The following DYNC1I1 variants were observed in gnomAD, a reference collection of about 807,000 sequenced individuals.
DYNC1I1 encodes dynein cytoplasmic 1 intermediate chain 1, also known as cytoplasmic dynein 1 intermediate chain 1.
Under a neutral mutation model 86.6 loss-of-function variants are expected in DYNC1I1, and 43 were observed. The ratio of observed to expected loss-of-function variants is 0.50; its 90% CI spans 0.39 to 0.64. The LOEUF is 0.64. Ranked by LOEUF, DYNC1I1 falls within the 30% of genes least tolerant of loss-of-function variation. The pLI is 0.00. For synonymous variants in DYNC1I1, 262 were observed against 283.7 expected (o/e 0.92, Z 0.77); for missense variants, 604 against 788.8 (o/e 0.77, Z 2.81).
chr7:95,918,473 G>C (rs888268940), intron 6 of DYNC1I1, among the ~76,000 whole-genome samples: 2 of 152,168 alleles, frequency 1.3e-5, no homozygotes, highest in African/African-American at 4.8e-5. Context: ...TGGCAAAACA[G>C]CTTCTTGTTC....
rs74683393 is a variant in DYNC1I1, at chr7:96,047,071, G to C, written c.1509+7650G>C. Reference sequence around the variant, plus strand: ...AAGGTGCCAGTAGATTTGGTGTCTGGTGAGTGCTCACTGCCTCATAGATGG... The same window carrying C: ...AAGGTGCCAGTAGATTTGGTGTCTGCTGAGTGCTCACTGCCTCATAGATGG... On this transcript the variant is annotated intron_variant, in intron 14 of 16. Coordinates refer to ENST00000447467, the MANE Select transcript of DYNC1I1 (RefSeq NM_001135556.2). Among the ~76,000 whole-genome samples, 1,058 of 152,254 alleles carry C rather than the reference G, an allele frequency of 6.9e-3. 9 individuals carry two copies. The highest frequency in any genetic ancestry group is 0.023 in the African/African-American group (974 of 41,526).
intron 2 of DYNC1I1, among the ~76,000 whole-genome samples, chr7:95,808,828 C>T (rs1057201650): frequency 6.6e-5 from 10 of 152,228 alleles, no homozygotes; most frequent in African/African-American, 2.2e-4. Context: ...ATTACTAATA[C>T]TGCAAAATCA....
intron 14 of DYNC1I1, among the ~76,000 whole-genome samples, chr7:96,049,174 C>T (rs1484190204): frequency 6.8e-6 from 1 of 147,652 alleles, no homozygotes; most frequent in Non-Finnish European, 1.5e-5. Flanking sequence ...AGGAGAATGG[C>T]GTGAACCCAG....
chr7:96,055,548 A>G (rs1789550744), intron 14 of DYNC1I1, among the ~76,000 whole-genome samples: 1 of 152,180 alleles, frequency 6.6e-6, no homozygotes, highest in African/African-American at 2.4e-5. Context: ...TAAAGTAGTA[A>G]TTACTTCTAA....
At chr7:95,806,773 C>T (rs1159207273) in intron 2 of DYNC1I1, among the ~76,000 whole-genome samples, 1 of 152,160 alleles carries the variant, frequency 6.6e-6, no homozygotes, top group African/African-American at 2.4e-5. Flanking sequence ...AATCTTTTCC[C>T]TTCACACCCA....
intron 1 of DYNC1I1, among the ~76,000 whole-genome samples, chr7:95,790,690 G>C (rs1189867727): frequency 6.6e-6 from 1 of 152,168 alleles, no homozygotes; most frequent in Non-Finnish European, 1.5e-5. Flanking sequence ...AAGATAAGTA[G>C]AATAAATCAA....
intron 14 of DYNC1I1, among the ~76,000 whole-genome samples, chr7:96,075,036 A>C (rs565585957): frequency 1.5e-4 from 23 of 152,326 alleles, no homozygotes; most frequent in African/African-American, 5.1e-4. Flanking sequence ...TTATCATTTA[A>C]ATTTCATTTT....
intron 6 of DYNC1I1, among the ~76,000 whole-genome samples, chr7:95,909,245 G>C (rs1452258685): frequency 5.0e-5 from 1 of 20,186 alleles, no homozygotes; most frequent in Non-Finnish European, 1.1e-4. Context: ...GAGGGGGGTG[G>C]GGGGGGGGGG....
intron 6 of DYNC1I1, among the ~76,000 whole-genome samples, chr7:95,882,330 C>G (rs760870890): frequency 1.2e-4 from 19 of 152,140 alleles, no homozygotes; most frequent in Non-Finnish European, 2.2e-4. Flanking sequence ...AGACAATGTT[C>G]TTGCCAAAAC....
intron 10 of DYNC1I1, among the ~76,000 whole-genome samples, chr7:96,006,220 C>G (rs1794138281): frequency 6.6e-6 from 1 of 152,126 alleles, no homozygotes; most frequent in South Asian, 2.1e-4. Context: ...ATCTAATAAT[C>G]AATTTTTTAA....
chr7:95,884,961 T>A (rs1196011007), intron 6 of DYNC1I1, among the ~76,000 whole-genome samples: 1 of 152,190 alleles, frequency 6.6e-6, no homozygotes, highest in Non-Finnish European at 1.5e-5. Flanking sequence ...CTTAGTACAA[T>A]ACATGGTATA....
chr7:95,953,200 C>A (rs1439918996), intron 6 of DYNC1I1, among the ~76,000 whole-genome samples: 1 of 151,094 alleles, frequency 6.6e-6, no homozygotes, highest in Non-Finnish European at 1.5e-5. Flanking sequence ...TTTTCATAAT[C>A]TCTAAGGCAT....
chr7:95,911,740 G>A (rs772159274), intron 6 of DYNC1I1, among the ~76,000 whole-genome samples: 3 of 152,200 alleles, frequency 2.0e-5, no homozygotes, highest in Non-Finnish European at 4.4e-5. Context: ...TCAGGTCTGT[G>A]AGTTGCACGT....
Position 95,990,784 on chromosome 7 carries a change from C to A in DYNC1I1, c.843+3629C>A, listed in dbSNP as rs564610353. On this transcript the variant is annotated intron_variant, in intron 9 of 16. Coordinates refer to ENST00000447467, the MANE Select transcript of DYNC1I1 (RefSeq NM_001135556.2). Reference sequence around the variant, plus strand: ...GTGGCTCACACCTGTAATCCCAACACTTTGGGAGGCCACAGCAGGAGGATC... The same window carrying A: ...GTGGCTCACACCTGTAATCCCAACAATTTGGGAGGCCACAGCAGGAGGATC... 1.1e-4 allele frequency among the ~76,000 whole-genome samples: 17 copies of A among 152,274 alleles called. No homozygotes were observed. The East Asian group carries it at 2.7e-3, about 24-fold the overall frequency.
chr7:96,062,407 A>G (rs1392202312), intron 14 of DYNC1I1, among the ~76,000 whole-genome samples: 1 of 151,928 alleles, frequency 6.6e-6, no homozygotes, highest in Non-Finnish European at 1.5e-5. Context: ...GCAAAATAGA[A>G]TACTTTCCTT....
chr7:95,775,604 A>C (rs1266928005), intron 1 of DYNC1I1, among the ~76,000 whole-genome samples: 3 of 152,222 alleles, frequency 2.0e-5, no homozygotes, highest in Non-Finnish European at 4.4e-5. Context: ...ACTTTTTGCC[A>C]GTTGATTGGT....
At chr7:96,021,428 G>A (rs1012062) in intron 10 of DYNC1I1, among the ~76,000 whole-genome samples, 47,045 of 151,820 alleles carry the variant, frequency 0.31, 7,587 homozygotes, top group African/African-American at 0.38. Context: ...TGATCCACGG[G>A]GTCCAGACAC....
chr7:96,027,632 A>G (rs1208842860), intron 10 of DYNC1I1, among the ~76,000 whole-genome samples: 1 of 152,184 alleles, frequency 6.6e-6, no homozygotes, highest in African/African-American at 2.4e-5. Flanking sequence ...GGAGGAGCCA[A>G]TTGGATCAGT....
At chr7:95,848,921 T>A (rs567438221) in intron 5 of DYNC1I1, among the ~76,000 whole-genome samples, 11 of 152,164 alleles carry the variant, frequency 7.2e-5, no homozygotes, top group Non-Finnish European at 1.6e-4. Flanking sequence ...ATAGCCATTC[T>A]AACATGTATA....
Sources: gnomAD v4.1 joint callset for allele counts (sites outside exome capture counted in the v4.1 genomes callset) on GRCh38, gnomAD v4.1.1 for gene constraint, MANE v1.5 for transcripts, NCBI Gene and HGNC (gene_info 2026-07-23, HGNC 2026-07-21) for gene names.